The following NDUFAB1 variants were observed in gnomAD, a reference collection of about 807,000 sequenced individuals.
NDUFAB1 encodes the protein acyl carrier protein, mitochondrial.
NDUFAB1 carries 5 observed loss-of-function variants against 16.1 expected under a neutral mutation model. That is an observed-to-expected ratio of 0.31 (90% CI 0.16 to 0.65). NDUFAB1 has a LOEUF of 0.65. NDUFAB1 is among the 30% of genes least tolerant of loss of function. The pLI, the probability that NDUFAB1 is intolerant of heterozygous loss-of-function variation, is 0.77. For synonymous variants in NDUFAB1, 85 were observed against 78.4 expected, an observed-to-expected ratio of 1.08 and a Z score of -0.44; for missense variants, 187 against 205.3, an observed-to-expected ratio of 0.91 and a Z score of 0.54.
Position 23,582,224 on chromosome 16 carries a change from GAAGAACCACAGACAAATCT to G in NDUFAB1, c.*8+33_*8+51del, listed in dbSNP as rs1482882828. The stretch of plus-strand genomic sequence containing the variant: ...TGTTTCTTCTTAAGTTTCCTTTATT[GAAGAACCACAGACAAATCT>G]ATGGGTGAACATCATTTTTTAAGTC... On this transcript the variant is annotated intron_variant, in intron 4 of 4. Transcript: ENST00000007516. 21 of 1,372,194 alleles carry G rather than the reference GAAGAACCACAGACAAATCT, an allele frequency of 1.5e-5. No homozygotes were observed. The East Asian group carries it at 5.5e-4, about 36-fold the overall frequency. The allele number at this position is 1,372,194 out of a possible 1,614,324, so 85.0% of individuals were successfully genotyped here. A position where few individuals can be genotyped will look rare whatever the true frequency, so the allele number is the denominator to read the frequency against.
At chr16:23,586,911 G>A (rs1253289900) in intron 2 of NDUFAB1, among the ~76,000 whole-genome samples, 6 of 152,226 alleles carry the variant, frequency 3.9e-5, no homozygotes, top group African/African-American at 1.4e-4. Flanking sequence ...GCCTCCCAAA[G>A]TGCTGGGATT....
At chr16:23,594,030 G>A (rs1360764391) in intron 1 of NDUFAB1, among the ~76,000 whole-genome samples, 1 of 151,832 alleles carries the variant, frequency 6.6e-6, no homozygotes, top group East Asian at 1.9e-4. Flanking sequence ...ACAGGCGCCC[G>A]CCACCACGCC....
intron 4 of NDUFAB1, 28 bp downstream of exon 4, chr16:23,582,248 G>A (rs926982775): frequency 7.0e-7 from 1 of 1,432,696 alleles, no homozygotes; most frequent in Non-Finnish European, 9.2e-7. Context: ...AAATCTATGG[G>A]TGAACATCAT....
chr16:23,583,347 G>T (rs1312878354), intron 3 of NDUFAB1, among the ~76,000 whole-genome samples: 2 of 151,952 alleles, frequency 1.3e-5, no homozygotes, highest in Non-Finnish European at 2.9e-5. Flanking sequence ...TCTCTGCCCG[G>T]CCACCCATCG....
chr16:23,589,962 A>G (rs897800521), intron 1 of NDUFAB1, among the ~76,000 whole-genome samples: 169 of 132,286 alleles, frequency 1.3e-3, no homozygotes, highest in African/African-American at 4.7e-3. Context: ...AAAAAAAAAA[A>G]AAAGAAATGG....
rs551721892 is a variant in NDUFAB1 at position 23,582,285 on chromosome 16, T to C, written c.470A>G (p.Ter157=). 7.2e-6 allele frequency: 11 copies of C among 1,527,578 alleles called. No homozygotes were observed. The African/African-American group carries it at 1.4e-4, about 19-fold the overall frequency. The allele number at this position is 1,527,578 out of a possible 1,614,324, so 94.6% of individuals were successfully genotyped here. The change falls in exon 4 of 5, where the codon TAA becomes TGA. Residue 157 remains the stop codon, a stop_retained_variant. Coordinates refer to ENST00000007516, the MANE Select transcript of NDUFAB1 (RefSeq NM_005003.3). ...YIADKKDVYE[*] The stretch of plus-strand genomic sequence containing the variant: ...TTTTAAGTCTATTTACCTGATACTT[T>C]ATTCATATACATCCTTCTTATCTGC...
chr16:23,588,200 ATCACAACACTT>A (rs1454188581), intron 1 of NDUFAB1, among the ~76,000 whole-genome samples: 1 of 152,244 alleles, frequency 6.6e-6, no homozygotes, highest in Admixed American at 6.5e-5. Flanking sequence ...CACGCCTATA[ATCACAACACTT>A]TGGGAGGCCA....
At chr16:23,582,528 C>G (rs895566891) in intron 3 of NDUFAB1, among the ~76,000 whole-genome samples, 153 bp from the exon 4 acceptor site, 1 of 152,074 alleles carries the variant, frequency 6.6e-6, no homozygotes, top group Non-Finnish European at 1.5e-5. Context: ...AGCTTCTAGA[C>G]AGTATGCATA....
At chr16:23,583,465 C>G (rs1278360391) in intron 3 of NDUFAB1, among the ~76,000 whole-genome samples, 1 of 147,534 alleles carries the variant, frequency 6.8e-6, no homozygotes, top group East Asian at 2.0e-4. Context: ...TCTGCCCGGC[C>G]ACCCATCGTC....
At chr16:23,593,944 G>T (rs1966300924) in intron 1 of NDUFAB1, among the ~76,000 whole-genome samples, 3 of 151,314 alleles carry the variant, frequency 2.0e-5, no homozygotes, top group South Asian at 2.1e-4. Flanking sequence ...GCAGTGGCAC[G>T]ATCTCGGCTC....
At position 23,587,407 on chromosome 16, in the gene NDUFAB1, C is replaced by A. The variant is rs1328635770; in HGVS notation, c.169-88G>T. The A allele has an allele frequency of 1.4e-5, 21 of 1,496,470 alleles. No homozygotes were observed. In the Admixed American group the frequency reaches 4.5e-4, roughly 32 times the overall value. The allele number at this position is 1,496,470 out of a possible 1,614,324, so 92.7% of individuals were successfully genotyped here. A position where few individuals can be genotyped will look rare whatever the true frequency, so the allele number is the denominator to read the frequency against. ...AAGCCTATAGGTAACTTTCACAGAA[C>A]TTTCGGGGCTTTAGAGAACCCACAG... On this transcript the variant is annotated intron_variant, in intron 1 of 4. Coordinates refer to ENST00000007516, the MANE Select transcript of NDUFAB1 (RefSeq NM_005003.3).
rs1567408310 is a variant in NDUFAB1, at chr16:23,587,299, C to T, written c.189G>A (p.Gln63=). The T allele has an allele frequency of 6.2e-7, 1 of 1,614,074 alleles. No individual in the cohort carries two copies. Among genetic ancestry groups the T allele is most frequent in the Non-Finnish European group, 8.5e-7 (1 of 1,179,958 alleles). Residue 63 remains glutamine, a synonymous_variant, in exon 2 of 5, where the codon CAG becomes CAA. Coordinates refer to ENST00000007516, the MANE Select transcript of NDUFAB1 (RefSeq NM_005003.3). ...VLAQVPGRVT[Q]LCRQYSDMPP... ...GCATGTCGCTATACTGGCGGCACAA[C>T]TGTGTAACTCTACCAGGAACCTAGA...
intron 1 of NDUFAB1, among the ~76,000 whole-genome samples, chr16:23,589,240 G>A (rs1966258275): frequency 6.6e-6 from 1 of 151,166 alleles, no homozygotes; most frequent in African/African-American, 2.4e-5. Flanking sequence ...AGGTTGCAGT[G>A]AGCCAAGATC....
At chr16:23,589,413 CTTT>C (rs1442104896) in intron 1 of NDUFAB1, among the ~76,000 whole-genome samples, 1 of 152,006 alleles carries the variant, frequency 6.6e-6, no homozygotes, top group African/African-American at 2.4e-5. Context: ...GAGCATGTTT[CTTT>C]GTCTAAATGT....
chr16:23,595,963 G>A (rs746819875), intron 1 of NDUFAB1, among the ~76,000 whole-genome samples, 160 bp downstream of exon 1: 19 of 152,202 alleles, frequency 1.2e-4, no homozygotes, highest in Non-Finnish European at 2.6e-4. Context: ...TCCCGTCAGG[G>A]GTCAACTAAA....
chr16:23,582,739 C>T (rs1966191682), intron 3 of NDUFAB1, among the ~76,000 whole-genome samples: 2 of 151,270 alleles, frequency 1.3e-5, no homozygotes, highest in African/African-American at 4.9e-5. Context: ...CCCTCTCCCT[C>T]TCCCTCTTCC....
In NDUFAB1 at chr16:23,587,326, C is replaced by T. The variant is rs748708210; in HGVS notation, c.169-7G>A. 19 of 1,612,202 alleles carry T rather than the reference C, an allele frequency of 1.2e-5. No individual in the cohort carries two copies. The highest frequency in any genetic ancestry group is 4.5e-5 in the East Asian group (2 of 44,860). ...GTGTAACTCTACCAGGAACCTAGAG[C>T]GACGGCAGGAAGGAAACACTGTCAT... is the stretch of plus-strand genomic sequence containing the variant. On this transcript the variant is annotated splice_polypyrimidine_tract_variant and splice_region_variant and intron_variant, in intron 1 of 4. Transcript: ENST00000007516.
intron 1 of NDUFAB1, among the ~76,000 whole-genome samples, chr16:23,593,849 C>T (rs1009348178): frequency 7.0e-6 from 1 of 143,520 alleles, no homozygotes; most frequent in African/African-American, 2.6e-5. Context: ...CTTTTTAACC[C>T]TTATTTATTT....
intron 1 of NDUFAB1, chr16:23,595,396 C>T (rs1260365011): frequency 2.7e-6 from 1 of 367,518 alleles, no homozygotes. Context: ...GGTTCCAGGA[C>T]CCCCGACTAT....
Sources: allele counts gnomAD v4.1 joint callset (sites outside exome capture counted in the v4.1 genomes callset), GRCh38; gene constraint gnomAD v4.1.1; transcripts MANE v1.5; gene names NCBI Gene and HGNC (gene_info 2026-07-23, HGNC 2026-07-21).